Variants in HDAC9 observed in about 807,000 individuals in gnomAD.
The protein encoded by HDAC9 is MEF-2 interacting transcription repressor (MITR) protein.
In HDAC9, 41 loss-of-function variants were observed where a neutral mutation model predicts 139.4. The observed-to-expected ratio is 0.29, with a 90% CI of 0.23 to 0.38. The LOEUF (loss-of-function observed/expected upper bound fraction) is 0.38, where lower values mean the gene tolerates loss of function less well. Ranked by LOEUF, HDAC9 falls within the 10% of genes least tolerant of loss-of-function variation. HDAC9 has a pLI of 1.00. For missense variants in HDAC9, 1,147 were observed against 1,297.0 expected, an observed-to-expected ratio of 0.88 and a Z score of 1.78; for synonymous variants, 517 against 476.2, an observed-to-expected ratio of 1.09 and a Z score of -1.12.
At chr7:18,481,536 C>T (rs1009383562) in intron 1 of HDAC9, among the ~76,000 whole-genome samples, 1 of 152,120 alleles carries the variant, frequency 6.6e-6, no homozygotes, top group South Asian at 2.1e-4. Flanking sequence ...ATACTTGGTT[C>T]TGTTTACTTT....
chr7:18,316,704 C>T (rs1290311337), intron 1 of HDAC9, among the ~76,000 whole-genome samples: 2 of 150,870 alleles, frequency 1.3e-5, no homozygotes, highest in South Asian at 4.2e-4. Flanking sequence ...GTATTCTCAG[C>T]TACTCAGGAA....
At position 18,232,831 on chromosome 7, in the gene HDAC9, T is replaced by C. The variant is rs545746407; in HGVS notation, c.25+70482T>C. On this transcript the variant is annotated intron_variant, in intron 2 of 12. Transcript: ENST00000417496. ...GTTTACTGCATAACAGAAAATTTAA[T>C]GCCCTTTGCCCAATTCCTGAATAAA... Among the ~76,000 whole-genome samples the C allele has an allele frequency of 3.0e-4, 45 of 152,312 alleles. 1 individual carries two copies. In the South Asian group the frequency reaches 8.5e-3, roughly 29 times the overall value.
chr7:18,258,127 T>G (rs1445440564), intron 2 of HDAC9, among the ~76,000 whole-genome samples: 1 of 152,264 alleles, frequency 6.6e-6, no homozygotes, highest in East Asian at 1.9e-4. Context: ...TATGGAGCAG[T>G]AAATTTGGAG....
Position 18,590,563 on chromosome 7 carries a change from A to G in HDAC9, c.415+77A>G, listed in dbSNP as rs1285698189. ...TCATTATTCAGAACAAAGCCTGATAAAGAGTGCGGTTAGACTCGTCAAAAT... is the reference window on the plus strand; with the variant it reads ...TCATTATTCAGAACAAAGCCTGATAGAGAGTGCGGTTAGACTCGTCAAAAT... On this transcript the variant is annotated intron_variant, in intron 4 of 25. Transcript: ENST00000686413. 2.8e-6 allele frequency: 4 copies of G among 1,415,726 alleles called. No individual in the cohort carries two copies. The Admixed American group carries it at 7.1e-5, about 25-fold the overall frequency. 87.7% of individuals were successfully genotyped at this position (1,415,726 alleles called of 1,614,324 possible).
chr7:18,422,744 G>GCACA (rs1233787931), intron 1 of HDAC9, among the ~76,000 whole-genome samples: 224 of 26,328 alleles, frequency 8.5e-3, no homozygotes, highest in South Asian at 0.02. Context: ...ACACACACGC[G>GCACA]CACACACACA....
chr7:18,116,607 CAAA>C (rs749520341), intron 1 of HDAC9, among the ~76,000 whole-genome samples: 13 of 151,870 alleles, frequency 8.6e-5, no homozygotes, highest in East Asian at 7.7e-4. Context: ...ACATACGTAT[CAAA>C]TAACATATGT....
intron 2 of HDAC9, among the ~76,000 whole-genome samples, chr7:18,533,310 C>G (rs909686682): frequency 6.6e-6 from 1 of 152,160 alleles, no homozygotes; most frequent in Non-Finnish European, 1.5e-5. Flanking sequence ...CCCACTCATC[C>G]TTGGTCTGTT....
At chr7:18,451,949 A>G (rs1792908263) in intron 1 of HDAC9, among the ~76,000 whole-genome samples, 1 of 152,156 alleles carries the variant, frequency 6.6e-6, no homozygotes, top group Admixed American at 6.6e-5. Flanking sequence ...CAGTTCAGCC[A>G]TCGTTATGGT....
chr7:18,868,971 C>T (rs1035106914), intron 21 of HDAC9, among the ~76,000 whole-genome samples: 1 of 152,110 alleles, frequency 6.6e-6, no homozygotes, highest in African/African-American at 2.4e-5. Context: ...ACGCCTTCCC[C>T]CATACCTTGT....
At chr7:18,758,296 C>T (rs111779161) in intron 14 of HDAC9, among the ~76,000 whole-genome samples, 4,370 of 152,196 alleles carry the variant, frequency 0.029, 63 homozygotes, top group Middle Eastern at 0.044. Context: ...GATAACTTTA[C>T]GTAGATATCC....
At chr7:18,740,789 A>G (rs1787378315) in intron 13 of HDAC9, among the ~76,000 whole-genome samples, 1 of 152,244 alleles carries the variant, frequency 6.6e-6, no homozygotes, top group Non-Finnish European at 1.5e-5. Flanking sequence ...AGGTGTGAAT[A>G]GAAAAGAAAA....
At chr7:18,101,991 T>C (rs1782887305) in intron 1 of HDAC9, among the ~76,000 whole-genome samples, 1 of 152,202 alleles carries the variant, frequency 6.6e-6, no homozygotes, top group Non-Finnish European at 1.5e-5. Flanking sequence ...TTTATATTTA[T>C]TCAGGAGGTT....
At chr7:18,955,287 TC>T (rs1324900335) in intron 24 of HDAC9, among the ~76,000 whole-genome samples, 1 of 152,104 alleles carries the variant, frequency 6.6e-6, no homozygotes, top group African/African-American at 2.4e-5. Flanking sequence ...CCTGTCATTG[TC>T]CTGTCTTTGT....
intron 1 of HDAC9, among the ~76,000 whole-genome samples, chr7:18,131,437 T>A (rs151128728): frequency 8.4e-4 from 128 of 152,308 alleles, no homozygotes; most frequent in African/African-American, 2.9e-3. Flanking sequence ...AATTCCTTGG[T>A]TTCTTGGGAA....
At chr7:18,875,474 GAATC>G (rs1799250921) in intron 22 of HDAC9, among the ~76,000 whole-genome samples, 3 of 152,120 alleles carry the variant, frequency 2.0e-5, no homozygotes, top group African/African-American at 7.2e-5. Flanking sequence ...AATTTAAAAA[GAATC>G]AAAGAAATAG....
intron 6 of HDAC9, among the ~76,000 whole-genome samples, chr7:18,596,059 A>T (rs1832397454): frequency 6.6e-6 from 1 of 152,092 alleles, no homozygotes; most frequent in African/African-American, 2.4e-5. Context: ...GCTATATAAT[A>T]ATAGTGAAAA....
At chr7:18,209,890 T>C (rs1393574528) in intron 2 of HDAC9, among the ~76,000 whole-genome samples, 2 of 151,934 alleles carry the variant, frequency 1.3e-5, no homozygotes, top group Non-Finnish European at 2.9e-5. Context: ...TTAGTAGAGA[T>C]GGGGTTTCAC....
chr7:18,444,497 C>T (rs940006681), intron 1 of HDAC9, among the ~76,000 whole-genome samples: 3 of 151,884 alleles, frequency 2.0e-5, no homozygotes, highest in Admixed American at 6.6e-5. Flanking sequence ...TTTTATCCCC[C>T]GACCACTGTA....
intron 12 of HDAC9, among the ~76,000 whole-genome samples, chr7:18,713,329 T>G (rs1342323592): frequency 6.6e-6 from 1 of 152,142 alleles, no homozygotes; most frequent in African/African-American, 2.4e-5. Context: ...GCAGATGAGT[T>G]GATAAAAATT....
Sources: allele counts gnomAD v4.1 joint callset (sites outside exome capture counted in the v4.1 genomes callset), GRCh38; gene constraint gnomAD v4.1.1; transcripts MANE v1.5; gene names NCBI Gene and HGNC (gene_info 2026-07-23, HGNC 2026-07-21).